The following NRG1 variants were observed in gnomAD, a reference collection of about 807,000 sequenced individuals.
NRG1 encodes pro-neuregulin-1, membrane-bound isoform.
A neutral mutation model predicts 63.8 loss-of-function variants in NRG1; 18 were observed. The observed-to-expected ratio is 0.28, with a 90% confidence interval of 0.19 to 0.42. The LOEUF is 0.42. Among genes scored for constraint, NRG1 ranks in the 10% least tolerant of loss-of-function variants. The pLI is 1.00. For missense variants in NRG1, 762 were observed against 814.7 expected (o/e 0.94, Z 0.79); for synonymous variants, 302 against 301.3 (o/e 1.00, Z -0.02).
chr8:32,738,233 G>A (rs1358810782), intron 6 of NRG1, among the ~76,000 whole-genome samples: 1 of 152,216 alleles, frequency 6.6e-6, no homozygotes, highest in East Asian at 1.9e-4. Flanking sequence ...TCTCCCCAGA[G>A]CATAGAAGTG....
chr8:31,818,115 A>G (rs528482996), intron 1 of NRG1, among the ~76,000 whole-genome samples: 4 of 152,312 alleles, frequency 2.6e-5, no homozygotes, highest in Admixed American at 6.5e-5. Flanking sequence ...TCTAAAAAAA[A>G]AGAAAGTAAT....
chr8:32,641,168 T>C (rs62500241), intron 5 of NRG1, among the ~76,000 whole-genome samples: 1 of 144,832 alleles, frequency 6.9e-6, no homozygotes, highest in Admixed American at 6.9e-5. Context: ...TATATATAAA[T>C]ATATTTTTAT....
chr8:31,928,345 G>T (rs922732336), intron 1 of NRG1, among the ~76,000 whole-genome samples: 1 of 105,956 alleles, frequency 9.4e-6, no homozygotes, highest in African/African-American at 4.2e-5. Context: ...TTTTGGCATG[G>T]ATGTGGTAAA....
At chr8:32,044,913 C>CAAATAAAAAAAAAAAAAAAAAAA (rs1820707167) in intron 1 of NRG1, among the ~76,000 whole-genome samples, 1 of 57,120 alleles carries the variant, frequency 1.8e-5, no homozygotes, top group East Asian at 3.6e-4. Flanking sequence ...TAAAGAAAAG[C>CAAATAAAAAAAAAAAAAAAAAAA]AAAAAAAAAA....
At chr8:32,431,445 C>T (rs1470201452) in intron 1 of NRG1, among the ~76,000 whole-genome samples, 1 of 152,110 alleles carries the variant, frequency 6.6e-6, no homozygotes, top group Non-Finnish European at 1.5e-5. Flanking sequence ...CACTCACTCT[C>T]CATCACGTAG....
chr8:32,156,419 A>T (rs1207342558), intron 1 of NRG1, among the ~76,000 whole-genome samples: 2 of 152,172 alleles, frequency 1.3e-5, no homozygotes, highest in Non-Finnish European at 2.9e-5. Context: ...TTTTTAGATT[A>T]TGCTTTGCTT....
intron 1 of NRG1, among the ~76,000 whole-genome samples, chr8:31,881,043 A>ACATT (rs955662683): frequency 3.9e-5 from 6 of 152,210 alleles, no homozygotes; most frequent in Admixed American, 6.5e-5. Context: ...CTTTTATTTA[A>ACATT]CATTCATTCA....
intron 1 of NRG1, among the ~76,000 whole-genome samples, chr8:31,782,236 C>T (rs1236555464): frequency 1.3e-5 from 2 of 152,126 alleles, no homozygotes; most frequent in East Asian, 1.9e-4. Flanking sequence ...ATGTTTGCTG[C>T]CTTACCTTAC....
intron 1 of NRG1, among the ~76,000 whole-genome samples, chr8:31,793,316 G>T (rs1055243674): frequency 3.3e-5 from 5 of 152,196 alleles, no homozygotes; most frequent in Non-Finnish European, 7.3e-5. Context: ...AGGATTGGAA[G>T]TCCTTTGGGA....
intron 1 of NRG1, among the ~76,000 whole-genome samples, chr8:32,007,762 G>T (rs532947457): frequency 6.6e-6 from 1 of 151,950 alleles, no homozygotes; most frequent in East Asian, 1.9e-4. Context: ...TGTTTTCAGT[G>T]TACTACCAGC....
At chr8:32,159,538 C>A (rs1838587897) in intron 1 of NRG1, among the ~76,000 whole-genome samples, 1 of 111,588 alleles carries the variant, frequency 9.0e-6, no homozygotes, top group African/African-American at 4.8e-5. Context: ...GAGACTCCGT[C>A]TCAAAAAAAA....
intron 5 of NRG1, among the ~76,000 whole-genome samples, chr8:32,700,381 C>CA (rs569256027): frequency 4.8e-4 from 73 of 151,816 alleles, no homozygotes; most frequent in Non-Finnish European, 7.2e-4. Context: ...TTGATATAAA[C>CA]AAAAAAATCA....
intron 5 of NRG1, among the ~76,000 whole-genome samples, chr8:32,706,272 C>T (rs1349814167): frequency 2.0e-5 from 3 of 152,272 alleles, no homozygotes; most frequent in African/African-American, 7.2e-5. Context: ...ATTATATTTA[C>T]AAACAGATCA....
intron 1 of NRG1, among the ~76,000 whole-genome samples, chr8:32,511,711 G>A (rs1424168742): frequency 2.0e-5 from 3 of 152,174 alleles, no homozygotes; most frequent in East Asian, 1.9e-4. Context: ...TCAGCCATAC[G>A]TGCTCATGGA....
At chr8:32,112,786 AG>A (rs1347149982) in intron 1 of NRG1, among the ~76,000 whole-genome samples, 6 of 152,166 alleles carry the variant, frequency 3.9e-5, no homozygotes, top group African/African-American at 1.4e-4. Flanking sequence ...TCTGCTTTTT[AG>A]TACTGCTTGG....
chr8:32,530,709 G>A (rs1831371675), intron 1 of NRG1, among the ~76,000 whole-genome samples: 2 of 152,090 alleles, frequency 1.3e-5, no homozygotes, highest in South Asian at 2.1e-4. Flanking sequence ...TGAAAGCTGG[G>A]CATTCTGTTC....
chr8:32,577,945 A>G (rs757134518), intron 1 of NRG1, among the ~76,000 whole-genome samples: 1 of 152,190 alleles, frequency 6.6e-6, no homozygotes, highest in Non-Finnish European at 1.5e-5. Context: ...CACCACTTGC[A>G]GTAAGGAAGG....
chr8:31,662,973 A>G (rs1343850007), intron 1 of NRG1, among the ~76,000 whole-genome samples: 1 of 152,142 alleles, frequency 6.6e-6, no homozygotes, highest in Non-Finnish European at 1.5e-5. Context: ...GCCTGTGGCC[A>G]AGCCCTGCCT....
At chr8:32,507,099 G>A (rs1828629214) in intron 1 of NRG1, among the ~76,000 whole-genome samples, 1 of 152,094 alleles carries the variant, frequency 6.6e-6, no homozygotes, top group Non-Finnish European at 1.5e-5. Context: ...ACCCTATGAT[G>A]GGAGAGAGGG....
Sources: gnomAD v4.1 joint callset for allele counts (sites outside exome capture counted in the v4.1 genomes callset) on GRCh38, gnomAD v4.1.1 for gene constraint, MANE v1.5 for transcripts, NCBI Gene and HGNC (gene_info 2026-07-23, HGNC 2026-07-21) for gene names.